Variants in RFX1 observed in about 807,000 individuals in gnomAD.
RFX1 encodes the protein MHC class II regulatory factor RFX1.
Under a neutral mutation model 119.6 loss-of-function variants are expected in RFX1, and 42 were observed. That is an observed-to-expected ratio of 0.35 (90% confidence interval 0.27 to 0.45). The LOEUF (loss-of-function observed/expected upper bound fraction) is 0.45, where lower values mean the gene tolerates loss of function less well. RFX1 is among the 20% of genes least tolerant of loss of function. The pLI is 1.00. For synonymous variants in RFX1, 628 were observed against 618.5 expected (o/e 1.02, Z -0.23); for missense variants, 1,118 against 1,368.1 (o/e 0.82, Z 2.88).
intron 2 of RFX1, among the ~76,000 whole-genome samples, chr19:13,989,551 G>GACAGAC (rs1555755073): frequency 1.0e-3 from 146 of 145,416 alleles, no homozygotes; most frequent in African/African-American, 3.9e-3. Context: ...GAGAGAGAGA[G>GACAGAC]AGACAGACAG....
rs1568472152 is a variant in RFX1 at position 13,983,542 on chromosome 19, CGGT to C, written c.370_372del (p.Thr124del). ...TGAGTAGGAACGCCGGTCTGGCTGG[CGGT>C]GGAGCCGGGGCTGGCCTCCGACACT... On this transcript the variant is annotated inframe_deletion, in exon 3 of 21. Transcript: ENST00000254325. 6.2e-7 allele frequency: 1 copy of C among 1,611,332 alleles called. No individual in the cohort carries two copies. The highest frequency in any genetic ancestry group is 1.1e-5 in the South Asian group (1 of 90,910).
At position 13,965,748 on chromosome 19, in the gene RFX1, T is replaced by C; in HGVS notation, c.1991A>G (p.Lys664Arg). 1 of 1,613,830 alleles carries C rather than the reference T, an allele frequency of 6.2e-7. No homozygotes were observed. Among genetic ancestry groups the C allele is most frequent in the South Asian group, 1.1e-5 (1 of 91,086 alleles). ...CTTGGAGAGGAGCACCAGGATGGCT[T>C]TGGGCAGTCGCTTCTCGGCCTCGTC... is the stretch of plus-strand genomic sequence containing the variant. ...VHDEAEKRLP[K>R]AILVLLSKFE... is the part of the protein sequence containing the mutation. Residue 664 changes from lysine to arginine, a missense_variant, in exon 15 of 21, where the codon AAA (lysine) becomes AGA (arginine). Lys to Arg is a conservative substitution (Grantham distance 26, BLOSUM62 2). Coordinates refer to ENST00000254325, the MANE Select transcript of RFX1 (RefSeq NM_002918.5). This position sits in a 1 kb window ranked among gnomAD's most constrained non-coding sequence, Gnocchi z 4.7.
intron 2 of RFX1, among the ~76,000 whole-genome samples, chr19:13,989,344 G>A (rs1418227972): frequency 6.6e-6 from 1 of 152,096 alleles, no homozygotes; most frequent in Admixed American, 6.6e-5. Context: ...GGGGCACAGG[G>A]TGTGTGGAGC....
rs372703326 is a variant in RFX1 at position 13,964,000 on chromosome 19, G to A, written c.2219C>T (p.Ala740Val). The change falls in exon 17 of 21, where the codon GCG becomes GTG. Residue 740 changes from alanine to valine, a missense_variant. Coordinates refer to ENST00000254325, the MANE Select transcript of RFX1 (RefSeq NM_002918.5). ...PEEMLRVKVAAAGAFAQTLRR... is the reference protein window; with the variant it reads ...PEEMLRVKVAVAGAFAQTLRR... ...CAGTGTCTGCGCGAAGGCGCCAGCC[G>A]CGGCCACCTGCGTGCAGGGATTGAG... The A allele has an allele frequency of 2.0e-5, 31 of 1,533,522 alleles. No homozygotes were observed. The highest frequency in any genetic ancestry group is 2.7e-5 in the Non-Finnish European group (31 of 1,145,818). 95.0% of individuals were successfully genotyped at this position (1,533,522 alleles called of 1,614,324 possible). A position where few individuals can be genotyped will look rare whatever the true frequency, so the allele number is the denominator to read the frequency against.
Position 13,968,511 on chromosome 19 carries a change from C to A in RFX1, c.1732+54G>T. The A allele has an allele frequency of 6.9e-7, 1 of 1,442,994 alleles. No individual in the cohort carries two copies. The highest frequency in any genetic ancestry group is 9.7e-7 in the Non-Finnish European group (1 of 1,026,000). The allele number at this position is 1,442,994 out of a possible 1,614,324, so 89.4% of individuals were successfully genotyped here. ...GCCGCCATCCAGCTTTGGGAACCGT[C>A]TGCACGGGGCAGGGAGGCGGTGGTT... On this transcript the variant is annotated intron_variant, in intron 12 of 20. Transcript: ENST00000254325. This position sits in a 1 kb window ranked among gnomAD's most constrained non-coding sequence, Gnocchi z 5.5.
intron 1 of RFX1, among the ~76,000 whole-genome samples, chr19:14,001,443 G>C (rs539172880): frequency 1.3e-5 from 2 of 152,222 alleles, no homozygotes; most frequent in South Asian, 4.1e-4. Flanking sequence ...TGGGAACGCA[G>C]GCCTGTGCCA....
At position 13,993,633 on chromosome 19, in the gene RFX1, G is replaced by GA; in HGVS notation, c.210_211insT (p.Gln71SerfsTer37). 1 of 1,607,850 alleles carries GA rather than the reference G, an allele frequency of 6.2e-7. No individual in the cohort carries two copies. Among genetic ancestry groups the GA allele is most frequent in the Non-Finnish European group, 8.5e-7 (1 of 1,176,606 alleles). On this transcript the variant is annotated frameshift_variant, in exon 2 of 21. Coordinates refer to ENST00000254325, the MANE Select transcript of RFX1 (RefSeq NM_002918.5). LOFTEE classifies it high-confidence loss of function. The stretch of plus-strand genomic sequence containing the variant: ...GGGAGCTCCGTCACGTACTGCTTCT[G>GA]GCCACCCGGTGGCTGTGCCTGGGGC...
In RFX1 at chr19:13,972,755, G is replaced by A; in HGVS notation, c.1302C>T (p.Ala434=). The A allele has an allele frequency of 5.6e-6, 9 of 1,598,470 alleles. No homozygotes were observed. Among genetic ancestry groups the A allele is most frequent in the South Asian group, 1.1e-5 (1 of 89,488 alleles). The change falls in exon 9 of 21, where the codon GCC becomes GCT. Residue 434 remains alanine, a synonymous_variant. Transcript: ENST00000254325. The stretch of plus-strand genomic sequence containing the variant: ...TTGGGGCACTTACCGTGGCTGGCGA[G>A]GCACGGGTGGTGTGAGAGTAAGACT... The part of the protein sequence containing the change: ...ASQSYSHTTR[A]SPATVQWLLD...
Position 13,966,067 on chromosome 19 carries a change from C to A in RFX1, c.1962-290G>T, listed in dbSNP as rs748848876. ...CCAGCGTCAGAAGGGCACAGGTACC[C>A]CCGTCCCCAGGTAAGTACCCCCTGC... On this transcript the variant is annotated intron_variant, in intron 14 of 20. Transcript: ENST00000254325. This position sits in a 1 kb window ranked among gnomAD's most constrained non-coding sequence, Gnocchi z 6.3. Among the ~76,000 whole-genome samples, 17 of 152,106 alleles carry A rather than the reference C, an allele frequency of 1.1e-4. No individual in the cohort carries two copies. Among genetic ancestry groups the A allele is most frequent in the Non-Finnish European group, 2.4e-4 (16 of 67,992 alleles).
At chr19:13,995,559 G>A (rs1032806590) in intron 1 of RFX1, among the ~76,000 whole-genome samples, 5 of 152,128 alleles carry the variant, frequency 3.3e-5, no homozygotes, top group Non-Finnish European at 7.4e-5. Context: ...TTCAGAACAG[G>A]GCCGGCCTTG....
At chr19:14,005,048 T>TA (rs781711470) in intron 1 of RFX1, among the ~76,000 whole-genome samples, 11 of 152,134 alleles carry the variant, frequency 7.2e-5, no homozygotes, top group Non-Finnish European at 1.3e-4. Flanking sequence ...GAAGCGGGTT[T>TA]AAAAAATCTA....
Position 13,965,829 on chromosome 19 carries a change from C to T in RFX1, c.1962-52G>A, listed in dbSNP as rs1275377806. The T allele has an allele frequency of 1.3e-5, 20 of 1,593,438 alleles. No individual in the cohort carries two copies. The highest frequency in any genetic ancestry group is 1.6e-5 in the Non-Finnish European group (19 of 1,169,508). ...CACTGGGGTACTCTATGGTCCTGCCCCCATCGTCAGAAGGGAACAGGTAGC... is the reference window on the plus strand; with the variant it reads ...CACTGGGGTACTCTATGGTCCTGCCTCCATCGTCAGAAGGGAACAGGTAGC... On this transcript the variant is annotated intron_variant, in intron 14 of 20. Coordinates refer to ENST00000254325, the MANE Select transcript of RFX1 (RefSeq NM_002918.5). The surrounding 1 kb of genome is among the most constrained non-coding windows in gnomAD (Gnocchi z 4.7).
chr19:13,973,433 GAAAACCCATCTCTACAA>G (rs1321083307), intron 8 of RFX1, among the ~76,000 whole-genome samples: 3 of 152,040 alleles, frequency 2.0e-5, no homozygotes, highest in Admixed American at 6.6e-5. Context: ...GCCACATAGT[GAAAACCCATCTCTACAA>G]AAAATATGAA....
chr19:13,962,549 G>A lies in RFX1; in HGVS notation c.*146C>T, dbSNP rs1973725152. ...CCCACTGATTGTGCCGGCCCCATAAGGGAGGAGGGCCCCGGTCTTCCCTGT... is the reference window on the plus strand; with the variant it reads ...CCCACTGATTGTGCCGGCCCCATAAAGGAGGAGGGCCCCGGTCTTCCCTGT... On this transcript the variant is annotated 3_prime_UTR_variant, in exon 21 of 21. Transcript: ENST00000254325. The A allele has an allele frequency of 4.6e-6, 3 of 653,932 alleles. No individual in the cohort carries two copies. The highest frequency in any genetic ancestry group is 3.4e-5 in the Admixed American group (1 of 29,530). The allele number at this position is 653,932 out of a possible 1,614,324, so 40.5% of individuals were successfully genotyped here. A position where few individuals can be genotyped will look rare whatever the true frequency, so the allele number is the denominator to read the frequency against.
chr19:13,979,329 GGCAGTGTCT>G, intron 7 of RFX1, 109 bp downstream of exon 7: 1 of 621,934 alleles, frequency 1.6e-6, no homozygotes. Context: ...AAGGATGTAG[GGCAGTGTCT>G]GCAGCTCACA....
In RFX1 at chr19:13,962,977, G is replaced by T; in HGVS notation, c.2770+17C>A. The T allele has an allele frequency of 6.5e-7, 1 of 1,550,054 alleles. No individual in the cohort carries two copies. The highest frequency in any genetic ancestry group is 8.7e-7 in the Non-Finnish European group (1 of 1,146,412). On this transcript the variant is annotated intron_variant, in intron 20 of 20. Transcript: ENST00000254325. ...CCCCCGGGACCCGCGCCCTGGGTGG[G>T]AACACGCCTCGCCTACCTTTGTCGG... is the stretch of plus-strand genomic sequence containing the variant.
rs1012427753 is a variant in RFX1, at chr19:13,990,627, C to G, written c.319+2898G>C. Among the ~76,000 whole-genome samples the G allele has an allele frequency of 1.3e-5, 2 of 151,980 alleles. No individual in the cohort carries two copies. The highest frequency in any genetic ancestry group is 2.9e-5 in the Non-Finnish European group (2 of 67,994). On this transcript the variant is annotated intron_variant, in intron 2 of 20. Coordinates refer to ENST00000254325, the MANE Select transcript of RFX1 (RefSeq NM_002918.5). This position sits in a 1 kb window ranked among gnomAD's most constrained non-coding sequence, Gnocchi z 4.1. ...GGTCAGGAGATCAAGACCATCCTGGCTAACACAGTGAAACCCCGTCTCTAC... is the reference window on the plus strand; with the variant it reads ...GGTCAGGAGATCAAGACCATCCTGGGTAACACAGTGAAACCCCGTCTCTAC...
chr19:13,970,940 G>A (rs954776085), intron 9 of RFX1, among the ~76,000 whole-genome samples: 3 of 151,910 alleles, frequency 2.0e-5, no homozygotes, highest in Non-Finnish European at 4.4e-5. Context: ...GGCAGAGGCT[G>A]CAGTGAGCCA....
intron 1 of RFX1, among the ~76,000 whole-genome samples, chr19:14,000,364 TAATCCCAGCTACTC>T (rs1975175524): frequency 6.6e-6 from 1 of 152,150 alleles, no homozygotes; most frequent in Non-Finnish European, 1.5e-5. Context: ...TGTGTGGCTG[TAATCCCAGCTACTC>T]AGGAGGCTTA....
Sources: allele counts gnomAD v4.1 joint callset (sites outside exome capture counted in the v4.1 genomes callset), GRCh38; gene constraint gnomAD v4.1.1; non-coding constraint Gnocchi (gnomAD v3.1); transcripts MANE v1.5; gene names NCBI Gene and HGNC (gene_info 2026-07-23, HGNC 2026-07-21).